Variants in TENM3 observed in about 807,000 individuals in gnomAD.
TENM3 encodes teneurin-3.
A neutral mutation model predicts 255.1 loss-of-function variants in TENM3; 63 were observed. That is an observed-to-expected ratio of 0.25 (90% CI 0.20 to 0.30). The LOEUF (loss-of-function observed/expected upper bound fraction) is 0.30, where lower values mean the gene tolerates loss of function less well. TENM3 is among the 10% of genes least tolerant of loss of function. TENM3 has a pLI of 1.00. For missense variants in TENM3, 2,929 were observed against 3,461.1 expected (o/e 0.85, Z 3.86); for synonymous variants, 1,306 against 1,322.3 (o/e 0.99, Z 0.27).
the TENM3 span, among the ~76,000 whole-genome samples, chr4:182,113,549 T>C: frequency 6.6e-6 from 1 of 151,992 alleles, no homozygotes; most frequent in Non-Finnish European, 1.5e-5. Flanking sequence ...GAAATGAAAA[T>C]GTTAGATTAT....
chr4:181,630,912 C>A, the TENM3 span, among the ~76,000 whole-genome samples: 2 of 152,100 alleles, frequency 1.3e-5, no homozygotes, highest in Non-Finnish European at 2.9e-5. Flanking sequence ...TCTATTGCTG[C>A]ATAACAAAAT....
At chr4:181,835,517 A>T in the TENM3 span, among the ~76,000 whole-genome samples, 1 of 152,358 alleles carries the variant, frequency 6.6e-6, no homozygotes, top group Non-Finnish European at 1.5e-5. Flanking sequence ...TCACAAAAAG[A>T]CAACTTACCG....
At chr4:182,291,779 C>T (rs761354720) in intron 1 of TENM3, among the ~76,000 whole-genome samples, 9 of 152,220 alleles carry the variant, frequency 5.9e-5, no homozygotes, top group East Asian at 1.9e-4. Context: ...GAGCAGAGCA[C>T]GGGCTGCAGA....
chr4:181,860,236 TA>T, the TENM3 span, among the ~76,000 whole-genome samples: 1 of 152,218 alleles, frequency 6.6e-6, no homozygotes, highest in South Asian at 2.1e-4. Context: ...ATGCATTGTT[TA>T]AAAGCTGACA....
chr4:182,280,304 C>G (rs1211140909), intron 1 of TENM3, among the ~76,000 whole-genome samples: 1 of 152,112 alleles, frequency 6.6e-6, no homozygotes, highest in Non-Finnish European at 1.5e-5. Flanking sequence ...TGATTGCACT[C>G]TTTGAAAAAT....
intron 3 of TENM3, among the ~76,000 whole-genome samples, chr4:182,448,347 G>A (rs1773106640): frequency 1.3e-5 from 2 of 152,148 alleles, no homozygotes; most frequent in African/African-American, 2.4e-5. Context: ...GACGCCCCGC[G>A]GGCGCCAGGC....
At chr4:181,984,007 GT>G in the TENM3 span, among the ~76,000 whole-genome samples, 1 of 152,038 alleles carries the variant, frequency 6.6e-6, no homozygotes, top group Non-Finnish European at 1.5e-5. Context: ...TGGATTTTAA[GT>G]GCAATTCTGC....
chr4:182,659,672 G>A (rs1220476652), intron 6 of TENM3, among the ~76,000 whole-genome samples: 2 of 152,124 alleles, frequency 1.3e-5, no homozygotes, highest in Non-Finnish European at 2.9e-5. Context: ...TTTGAATCCT[G>A]TTTTCTCTCA....
the TENM3 span, among the ~76,000 whole-genome samples, chr4:181,907,708 A>G: frequency 2.0e-5 from 3 of 152,312 alleles, no homozygotes; most frequent in East Asian, 5.8e-4. Flanking sequence ...ACAAGCTCTC[A>G]GAGGAGGGAG....
intron 22 of TENM3, among the ~76,000 whole-genome samples, chr4:182,763,284 C>G (rs1244668496): frequency 6.6e-6 from 1 of 152,122 alleles, no homozygotes; most frequent in East Asian, 1.9e-4. Flanking sequence ...AAGATGGGGG[C>G]GGGCGCGGTG....
the TENM3 span, among the ~76,000 whole-genome samples, chr4:182,001,072 C>T: frequency 7.0e-6 from 1 of 143,620 alleles, no homozygotes. Context: ...TCTAAAGCTT[C>T]AAAACTACCT....
At chr4:182,590,283 G>C (rs1315116737) in intron 3 of TENM3, among the ~76,000 whole-genome samples, 1 of 151,944 alleles carries the variant, frequency 6.6e-6, no homozygotes, top group African/African-American at 2.4e-5. Context: ...AAGGGTCCAG[G>C]CGTTATCTAG....
chr4:182,334,255 T>A (rs1763961259), intron 2 of TENM3, among the ~76,000 whole-genome samples: 1 of 152,122 alleles, frequency 6.6e-6, no homozygotes, highest in African/African-American at 2.4e-5. Flanking sequence ...AATGTGAGGG[T>A]ACCTATAAAA....
chr4:182,664,431 C>T (rs1754476727), intron 6 of TENM3, among the ~76,000 whole-genome samples: 1 of 152,156 alleles, frequency 6.6e-6, no homozygotes, highest in Non-Finnish European at 1.5e-5. Flanking sequence ...TCTTCTTGGA[C>T]CTCCCTATTT....
chr4:181,465,597 G>A, the TENM3 span, among the ~76,000 whole-genome samples: 4 of 152,084 alleles, frequency 2.6e-5, no homozygotes, highest in African/African-American at 9.7e-5. Context: ...ATTTCTTAGC[G>A]GAATTCTAGA....
At chr4:182,413,565 A>G (rs1770160785) in intron 3 of TENM3, among the ~76,000 whole-genome samples, 1 of 152,024 alleles carries the variant, frequency 6.6e-6, no homozygotes, top group African/African-American at 2.4e-5. Flanking sequence ...GCAGTGAGTC[A>G]AGATCATGCC....
chr4:182,720,365 T>TA (rs78196677), intron 13 of TENM3, among the ~76,000 whole-genome samples: 2,619 of 148,356 alleles, frequency 0.018, 92 homozygotes, highest in South Asian at 0.15. Context: ...AGAGGGAGTT[T>TA]AAAAAAAAAA....
At chr4:181,627,785 G>T in the TENM3 span, among the ~76,000 whole-genome samples, 1 of 152,074 alleles carries the variant, frequency 6.6e-6, no homozygotes. Flanking sequence ...GAATAGTACC[G>T]CAATAAACAT....
At chr4:181,525,037 A>G in the TENM3 span, among the ~76,000 whole-genome samples, 1 of 152,226 alleles carries the variant, frequency 6.6e-6, no homozygotes, top group African/African-American at 2.4e-5. Flanking sequence ...ACATGAACCT[A>G]TTGTTTAATG....
Sources: allele counts gnomAD v4.1 joint callset (sites outside exome capture counted in the v4.1 genomes callset), GRCh38; gene constraint gnomAD v4.1.1; transcripts MANE v1.5; gene names NCBI Gene and HGNC (gene_info 2026-07-23, HGNC 2026-07-21).